Variants in EP300 observed in about 807,000 individuals in gnomAD.
EP300 encodes the protein EP300 lysine acetyltransferase, also known as histone acetyltransferase p300.
In EP300, 31 loss-of-function variants were observed where a neutral mutation model predicts 264.0. That is an observed-to-expected ratio of 0.12 (90% CI 0.09 to 0.16). The LOEUF is 0.16. EP300 is among the 10% of genes least tolerant of loss of function. The pLI is 1.00. For missense variants in EP300, 2,766 were observed against 3,052.9 expected, an observed-to-expected ratio of 0.91 and a Z score of 2.21; for synonymous variants, 1,340 against 1,045.4, an observed-to-expected ratio of 1.28 and a Z score of -5.44.
chr22:41,127,576 A>G lies in EP300; in HGVS notation c.996A>G (p.Pro332=). ...GMGSGAHTAD[P]EKRKLIQQQL... ...GTTCTGGAGCACATACAGCTGATCC[A>G]GAGAAGCGCAAGCTCATCCAGCAGC... is the stretch of plus-strand genomic sequence containing the variant. Residue 332 remains proline, a synonymous_variant, in exon 4 of 31, where the codon CCA becomes CCG. Transcript: ENST00000263253. 1 of 1,614,250 alleles carries G rather than the reference A, an allele frequency of 6.2e-7. No individual in the cohort carries two copies. Among genetic ancestry groups the G allele is most frequent in the Non-Finnish European group, 8.5e-7 (1 of 1,180,038 alleles).
rs781277803 is a variant in EP300, at chr22:41,125,943, T to G, written c.809T>G (p.Leu270Arg). ...GGACAGCAGATTGGAGCCAGTGGCC[T>G]TGGTCTCCAGATTCAGACAAAAACT... is the stretch of plus-strand genomic sequence containing the variant. Reference protein sequence around the residue: ...NPGQQIGASGLGLQIQTKTVL... With the variant: ...NPGQQIGASGRGLQIQTKTVL... The change falls in exon 3 of 31, where the codon CTT becomes CGT. Residue 270 changes from leucine (L) to arginine (R), a missense_variant. By Grantham distance (102) the Leu-to-Arg change is moderately radical (BLOSUM62 -2). Coordinates refer to ENST00000263253, the MANE Select transcript of EP300 (RefSeq NM_001429.4). 16 of 1,614,074 alleles carry G rather than the reference T, an allele frequency of 9.9e-6. No individual in the cohort carries two copies. Among genetic ancestry groups the G allele is most frequent in the Non-Finnish European group, 8.5e-7 (1 of 1,180,004 alleles).
chr22:41,120,821 C>T (rs1569092297), intron 2 of EP300, among the ~76,000 whole-genome samples: 3 of 152,168 alleles, frequency 2.0e-5, no homozygotes, highest in Non-Finnish European at 2.9e-5. Context: ...CAGGCTTACG[C>T]GATCCTCCTA....
chr22:41,126,177 C>A, intron 3 of EP300, 137 bp downstream of exon 3: 1 of 836,642 alleles, frequency 1.2e-6, no homozygotes. Flanking sequence ...CTTGATGATC[C>A]CTGTGAGGAG....
At position 41,178,886 on chromosome 22, in the gene EP300, A is replaced by G; in HGVS notation, c.7175A>G (p.Asp2392Gly). ...AACCTCCATGGTGCAAGCGCCACGGACCTGGGACTCAGCACCGATAACTCA... is the reference window on the plus strand; with the variant it reads ...AACCTCCATGGTGCAAGCGCCACGGGCCTGGGACTCAGCACCGATAACTCA... ...MANLHGASATDLGLSTDNSDL... is the reference protein window; with the variant it reads ...MANLHGASATGLGLSTDNSDL... The change falls in exon 31 of 31, where the codon GAC becomes GGC. Residue 2392 changes from aspartate to glycine, a missense_variant. Coordinates refer to ENST00000263253, the MANE Select transcript of EP300 (RefSeq NM_001429.4). The G allele has an allele frequency of 6.2e-7, 1 of 1,614,180 alleles. No homozygotes were observed. The highest frequency in any genetic ancestry group is 8.5e-7 in the Non-Finnish European group (1 of 1,180,026).
intron 27 of EP300, among the ~76,000 whole-genome samples, chr22:41,170,914 T>C (rs927989822): frequency 1.4e-4 from 21 of 151,334 alleles, no homozygotes; most frequent in East Asian, 1.4e-3. Flanking sequence ...CCGCCCGCCT[T>C]GGCCTCCCAA....
At position 41,179,809 on chromosome 22, in the gene EP300, A is replaced by AT. The variant is rs1201933715; in HGVS notation, c.*857dup. The AT allele has an allele frequency of 1.8e-5, 4 of 225,338 alleles. No individual in the cohort carries two copies. The highest frequency in any genetic ancestry group is 3.5e-5 in the Non-Finnish European group (4 of 113,472). The allele number at this position is 225,338 out of a possible 1,614,324, so 14.0% of individuals were successfully genotyped here. On this transcript the variant is annotated 3_prime_UTR_variant, in exon 31 of 31. Coordinates refer to ENST00000263253, the MANE Select transcript of EP300 (RefSeq NM_001429.4). ...GGTAAGAAACGATTCCGGTGGGATG[A>AT]TTTTAACATGCAAAATGTCCCTGGG...
intron 2 of EP300, among the ~76,000 whole-genome samples, chr22:41,124,027 C>T (rs2145705083): frequency 6.6e-6 from 1 of 151,684 alleles, no homozygotes; most frequent in East Asian, 2.0e-4. Context: ...GTGGGCAGAT[C>T]ACTTGAGGTC....
intron 2 of EP300, among the ~76,000 whole-genome samples, chr22:41,118,928 G>T (rs886653467): frequency 6.6e-6 from 1 of 151,278 alleles, no homozygotes; most frequent in African/African-American, 2.4e-5. Context: ...TTTTTGCTGC[G>T]AGAATATTGA....
intron 1 of EP300, among the ~76,000 whole-genome samples, chr22:41,109,904 C>T (rs1395821552): frequency 6.6e-6 from 1 of 151,788 alleles, no homozygotes; most frequent in Non-Finnish European, 1.5e-5. Flanking sequence ...ACTTCTGCCT[C>T]CCGGGCTCAA....
At chr22:41,168,345 A>G in intron 23 of EP300, 104 bp from the exon 24 acceptor site, 2 of 1,385,046 alleles carry the variant, frequency 1.4e-6, no homozygotes, top group African/African-American at 1.4e-5. Context: ...TCACCAAGTT[A>G]TCCTGTTTGT....
chr22:41,094,421 G>T (rs2058690920), intron 1 of EP300, among the ~76,000 whole-genome samples: 2 of 152,232 alleles, frequency 1.3e-5, no homozygotes, highest in African/African-American at 4.8e-5. Flanking sequence ...GCTTTTATAA[G>T]AAAGATGTGA....
intron 2 of EP300, among the ~76,000 whole-genome samples, chr22:41,123,897 T>A (rs2058866172): frequency 6.6e-6 from 1 of 152,230 alleles, no homozygotes; most frequent in Non-Finnish European, 1.5e-5. Flanking sequence ...TAATTATTAT[T>A]ATAGTATAAT....
intron 16 of EP300, among the ~76,000 whole-genome samples, chr22:41,153,920 G>C (rs571421393): frequency 6.6e-6 from 1 of 151,974 alleles, no homozygotes; most frequent in African/African-American, 2.4e-5. Flanking sequence ...ATACTCTACC[G>C]ATGATGAAAT....
At chr22:41,124,320 A>C (rs1393058102) in intron 2 of EP300, among the ~76,000 whole-genome samples, 1 of 151,994 alleles carries the variant, frequency 6.6e-6, no homozygotes, top group Non-Finnish European at 1.5e-5. Flanking sequence ...CAGGTGACTT[A>C]ATAGAGCAGC....
At position 41,127,475 on chromosome 22, in the gene EP300, T is replaced by C; in HGVS notation, c.907-12T>C. 1.2e-6 allele frequency: 2 copies of C among 1,613,980 alleles called. No individual in the cohort carries two copies. Among genetic ancestry groups the C allele is most frequent in the Non-Finnish European group, 1.7e-6 (2 of 1,179,994 alleles). On this transcript the variant is annotated splice_polypyrimidine_tract_variant and intron_variant, in intron 3 of 30. Coordinates refer to ENST00000263253, the MANE Select transcript of EP300 (RefSeq NM_001429.4). ...TGACTCCTACCATTAAATATATTGT[T>C]ATATCTCTCAGGGTCAACAGCCAGC... is the stretch of plus-strand genomic sequence containing the variant.
At chr22:41,109,265 A>AAC (rs1555904489) in intron 1 of EP300, among the ~76,000 whole-genome samples, 1 of 151,214 alleles carries the variant, frequency 6.6e-6, no homozygotes, top group Non-Finnish European at 1.5e-5. Context: ...AAAAAAAAAA[A>AAC]AAACAAAAAA....
intron 1 of EP300, among the ~76,000 whole-genome samples, chr22:41,104,174 A>G (rs1320161150): frequency 6.6e-6 from 1 of 152,216 alleles, no homozygotes; most frequent in African/African-American, 2.4e-5. Context: ...CTCAAAATCA[A>G]GAAATGTTCA....
In EP300 at chr22:41,141,703, G is replaced by A. The variant is rs867638522; in HGVS notation, c.2053+481G>A. On this transcript the variant is annotated intron_variant, in intron 10 of 30. Transcript: ENST00000263253. The stretch of plus-strand genomic sequence containing the variant: ...TCTTTTTCTTTTTTTTTGAGGCAGA[G>A]TCTCACTCCGTCACCCAGGCTGGAG... Among the ~76,000 whole-genome samples the A allele has an allele frequency of 8.0e-5, 12 of 149,504 alleles. No individual in the cohort carries two copies. The Middle Eastern group carries it at 0.01, about 128-fold the overall frequency.
intron 3 of EP300, chr22:41,126,350 G>T: frequency 3.6e-6 from 1 of 280,654 alleles, no homozygotes; most frequent in Non-Finnish European, 6.8e-6. Flanking sequence ...ATACGAAAGC[G>T]GAACCTTTCA....
Sources: allele counts gnomAD v4.1 joint callset (sites outside exome capture counted in the v4.1 genomes callset), GRCh38; gene constraint gnomAD v4.1.1; transcripts MANE v1.5; gene names NCBI Gene and HGNC (gene_info 2026-07-23, HGNC 2026-07-21).